RALGAPA1: variants seen among roughly 807,000 people sequenced by gnomAD.
RALGAPA1 encodes Ral GTPase activating protein catalytic subunit alpha 1, also known as ral GTPase-activating protein subunit alpha-1.
Under a neutral mutation model 269.6 loss-of-function variants are expected in RALGAPA1, and 52 were observed. The ratio of observed to expected loss-of-function variants is 0.19; its 90% CI spans 0.15 to 0.24. RALGAPA1 has a LOEUF of 0.24. RALGAPA1 is among the 10% of genes least tolerant of loss of function. The pLI is 1.00. For missense variants in RALGAPA1, 1,917 were observed against 3,013.9 expected, an observed-to-expected ratio of 0.64 and a Z score of 8.52; for synonymous variants, 817 against 1,008.3, an observed-to-expected ratio of 0.81 and a Z score of 3.60.
At chr14:35,733,479 AAAAC>A (rs1311503136) in intron 12 of RALGAPA1, among the ~76,000 whole-genome samples, 1 of 152,168 alleles carries the variant, frequency 6.6e-6, no homozygotes, top group Non-Finnish European at 1.5e-5. Context: ...CTCTGTCTCA[AAAAC>A]AAACAAATAA....
At chr14:35,596,800 C>T (rs553739371) in intron 36 of RALGAPA1, among the ~76,000 whole-genome samples, 1 of 152,248 alleles carries the variant, frequency 6.6e-6, no homozygotes, top group South Asian at 2.1e-4. Context: ...TACTCAGTTA[C>T]CTTCTCAGAA....
At chr14:35,630,651 T>C (rs2061303216) in intron 33 of RALGAPA1, among the ~76,000 whole-genome samples, 1 of 152,094 alleles carries the variant, frequency 6.6e-6, no homozygotes, top group Admixed American at 6.5e-5. Context: ...TCCCAGCACT[T>C]TGGGAAGCTG....
At chr14:35,718,378 A>T (rs1037169515) in intron 16 of RALGAPA1, among the ~76,000 whole-genome samples, 2 of 152,200 alleles carry the variant, frequency 1.3e-5, no homozygotes, top group African/African-American at 2.4e-5. Context: ...TATCGACATA[A>T]AGTATCTTTA....
intron 1 of RALGAPA1, among the ~76,000 whole-genome samples, chr14:35,776,339 C>T (rs1014828573): frequency 6.6e-6 from 1 of 151,672 alleles, no homozygotes; most frequent in Admixed American, 6.6e-5. Context: ...CAAGATTGCG[C>T]CACTGCACTC....
chr14:35,751,589 G>A (rs908925548), intron 8 of RALGAPA1, among the ~76,000 whole-genome samples: 1 of 151,948 alleles, frequency 6.6e-6, no homozygotes, highest in Non-Finnish European at 1.5e-5. Context: ...TTCAAGACCA[G>A]CCTGGGCAAC....
intron 41 of RALGAPA1, chr14:35,542,085 G>T: frequency 1.0e-6 from 1 of 987,674 alleles, no homozygotes; most frequent in Non-Finnish European, 1.4e-6. Flanking sequence ...GTCTATGAGA[G>T]ATTCTGTAAA....
In RALGAPA1 at chr14:35,674,584, T is replaced by C. The variant is rs202093770; in HGVS notation, c.4750A>G (p.Ile1584Val). 5.4e-5 allele frequency: 87 copies of C among 1,608,904 alleles called. No homozygotes were observed. In the South Asian group the frequency reaches 9.4e-4, roughly 17 times the overall value. The change falls in exon 23 of 42, where the codon ATC becomes GTC. Residue 1584 changes from isoleucine (I) to valine (V), a missense_variant. Physicochemically the swap from Ile to Val is conservative, Grantham distance 29. Coordinates refer to ENST00000680220, the MANE Select transcript of RALGAPA1 (RefSeq NM_001346249.2). Reference sequence around the variant, plus strand: ...TGAGCATGTATTTCAGGATCCATGATTGAATTTACATCTCCCAAAATGCCT... The same window carrying C: ...TGAGCATGTATTTCAGGATCCATGACTGAATTTACATCTCCCAAAATGCCT... ...MLGILGDVNS[I>V]MDPEIHAQVF...
intron 4 of RALGAPA1, among the ~76,000 whole-genome samples, chr14:35,768,742 C>T (rs951225812): frequency 6.6e-6 from 1 of 152,004 alleles, no homozygotes; most frequent in African/African-American, 2.4e-5. Context: ...GGCACAGTGG[C>T]TCACGTCTTT....
At chr14:35,606,808 A>G (rs545140005) in intron 35 of RALGAPA1, among the ~76,000 whole-genome samples, 1 of 151,978 alleles carries the variant, frequency 6.6e-6, no homozygotes, top group African/African-American at 2.4e-5. Context: ...AAAGTTCTTT[A>G]AAGAATTTAG....
Position 35,655,906 on chromosome 14 carries a change from T to A in RALGAPA1, c.5397A>T (p.Ala1799=). The A allele has an allele frequency of 3.1e-6, 5 of 1,613,222 alleles. No individual in the cohort carries two copies. Among genetic ancestry groups the A allele is most frequent in the Non-Finnish European group, 4.2e-6 (5 of 1,179,604 alleles). ...DEPSGPARCV[A]LCSLGIWICE... ...AAATCCAAATACCTAAACTACAAAGTGCTACACATCTGCAAAAAAGGCAAA... is the reference window on the plus strand; with the variant it reads ...AAATCCAAATACCTAAACTACAAAGAGCTACACATCTGCAAAAAAGGCAAA... The change falls in exon 29 of 42, where the codon GCA becomes GCT. Residue 1799 remains alanine (A), a synonymous_variant. Transcript: ENST00000680220.
At chr14:35,667,624 A>C (rs567412371) in intron 26 of RALGAPA1, among the ~76,000 whole-genome samples, 48 of 152,316 alleles carry the variant, frequency 3.2e-4, no homozygotes, top group Admixed American at 1.0e-3. Context: ...AGATCATGCC[A>C]AAAGTTTCTG....
chr14:35,645,378 T>C (rs2062349592), intron 31 of RALGAPA1, among the ~76,000 whole-genome samples: 1 of 151,250 alleles, frequency 6.6e-6, no homozygotes. Context: ...TGTGTGTGTG[T>C]GTGTGTGTGT....
At chr14:35,674,048 T>C in intron 24 of RALGAPA1, 132 bp downstream of exon 24, 1 of 631,752 alleles carries the variant, frequency 1.6e-6, no homozygotes, top group Non-Finnish European at 2.8e-6. Context: ...ATATAATGCC[T>C]AATGACTTCC....
At chr14:35,644,251 C>T (rs1301452383) in intron 31 of RALGAPA1, among the ~76,000 whole-genome samples, 2 of 152,150 alleles carry the variant, frequency 1.3e-5, no homozygotes, top group African/African-American at 4.8e-5. Flanking sequence ...CCAAGATACA[C>T]TGTCAAGTGA....
chr14:35,664,038 A>C (rs1471123601), intron 27 of RALGAPA1, among the ~76,000 whole-genome samples: 2 of 152,032 alleles, frequency 1.3e-5, no homozygotes, highest in African/African-American at 4.8e-5. Context: ...CATTTTGAAG[A>C]CTTATAAACA....
chr14:35,741,298 A>G (rs148633957), intron 11 of RALGAPA1, among the ~76,000 whole-genome samples: 150 of 152,316 alleles, frequency 9.8e-4, no homozygotes, highest in African/African-American at 3.4e-3. Context: ...TAAAAATATC[A>G]ATAAATTTGA....
chr14:35,715,519 A>T (rs2068737837), intron 16 of RALGAPA1, among the ~76,000 whole-genome samples: 1 of 152,024 alleles, frequency 6.6e-6, no homozygotes, highest in Admixed American at 6.6e-5. Flanking sequence ...AATCTTAAGG[A>T]ATCTAAATTT....
chr14:35,548,896 C>T (rs1444107306), intron 40 of RALGAPA1, among the ~76,000 whole-genome samples: 1 of 152,052 alleles, frequency 6.6e-6, no homozygotes, highest in Non-Finnish European at 1.5e-5. Flanking sequence ...AAATGTGGTA[C>T]ATGTACTTTT....
intron 38 of RALGAPA1, among the ~76,000 whole-genome samples, chr14:35,571,261 T>C (rs1413132341): frequency 1.3e-5 from 2 of 152,202 alleles, no homozygotes; most frequent in African/African-American, 2.4e-5. Flanking sequence ...ACTTAGAAAT[T>C]CTGTTTGAAT....
Sources: allele counts gnomAD v4.1 joint callset (sites outside exome capture counted in the v4.1 genomes callset), GRCh38; gene constraint gnomAD v4.1.1; transcripts MANE v1.5; gene names NCBI Gene and HGNC (gene_info 2026-07-23, HGNC 2026-07-21).